Variants in RBM5 observed in about 807,000 individuals in gnomAD.
RBM5 encodes the protein RNA-binding protein 5.
RBM5 carries 15 observed loss-of-function variants against 124.6 expected under a neutral mutation model. That is an observed-to-expected ratio of 0.12 (90% CI 0.08 to 0.19). The LOEUF (loss-of-function observed/expected upper bound fraction) is 0.19, where lower values mean the gene tolerates loss of function less well. Among genes scored for constraint, RBM5 ranks in the 10% least tolerant of loss-of-function variants. RBM5 has a pLI of 1.00. For missense variants in RBM5, 580 were observed against 1,026.5 expected (o/e 0.57, Z 5.94); for synonymous variants, 337 against 361.2 (o/e 0.93, Z 0.76).
At chr3:50,112,879 G>A (rs1168231599) in intron 17 of RBM5, 2 of 152,344 alleles carry the variant, frequency 1.3e-5, no homozygotes, top group African/African-American at 2.4e-5. Flanking sequence ...TTGAGATGGA[G>A]TCTTACTCTG....
chr3:50,116,001 CA>C (rs912464255), intron 22 of RBM5, 21 bp downstream of exon 22: 1 of 1,591,464 alleles, frequency 6.3e-7, no homozygotes, highest in African/African-American at 1.3e-5. Context: ...AACTGTGCCA[CA>C]AGGAAGAGGA....
Position 50,115,919 on chromosome 3 carries a change from T to G in RBM5, c.2033T>G (p.Ile678Ser). 1 of 1,613,400 alleles carries G rather than the reference T, an allele frequency of 6.2e-7. No individual in the cohort carries two copies. The highest frequency in any genetic ancestry group is 8.5e-7 in the Non-Finnish European group (1 of 1,179,346). The change falls in exon 22 of 25, where the codon ATC (isoleucine) becomes AGC (serine). Residue 678 changes from isoleucine (I) to serine (S), a missense_variant. Ile to Ser is a moderately radical substitution (Grantham distance 142). Around this residue, in one of 6 missense-constraint regions of RBM5, gnomAD observed 234 missense variants for 435.1 expected, o/e 0.54. Coordinates refer to ENST00000347869, the MANE Select transcript of RBM5 (RefSeq NM_005778.4). ...TCTTTTGTGTAGCAAAACATGGACA[T>G]CTATCGACGATCCAGGCTGAGCGAG... Reference protein sequence around the residue: ...LSDLHKQNMDIYRRSRLSEQE... With the variant: ...LSDLHKQNMDSYRRSRLSEQE...
In RBM5 at chr3:50,115,941, C is replaced by T. The variant is rs142079101; in HGVS notation, c.2055C>T (p.Ser685=). The T allele has an allele frequency of 1.8e-5, 29 of 1,613,738 alleles. No homozygotes were observed. Among genetic ancestry groups the T allele is most frequent in the Non-Finnish European group, 2.2e-5 (26 of 1,179,830 alleles). The change falls in exon 22 of 25, where the codon AGC becomes AGT. Residue 685 remains serine, a synonymous_variant. Transcript: ENST00000347869. The part of the protein sequence containing the change: ...NMDIYRRSRL[S]EQELEALELR... ...ACATCTATCGACGATCCAGGCTGAG[C>T]GAGCAGGAGCTGGAAGCCTTGGAGC...
At chr3:50,106,740 G>A (rs184307851) in intron 10 of RBM5, 27 bp from the exon 11 acceptor site, 5 of 1,505,646 alleles carry the variant, frequency 3.3e-6, no homozygotes, top group African/African-American at 1.4e-5. Flanking sequence ...TGCATTACAC[G>A]TTTTTTTCCT....
intron 15 of RBM5, 23 bp downstream of exon 15, chr3:50,109,711 A>G (rs768006271): frequency 1.3e-6 from 2 of 1,594,526 alleles, no homozygotes; most frequent in Non-Finnish European, 1.7e-6. Flanking sequence ...TCCTATATAC[A>G]AAACTCGTGG....
chr3:50,093,214 C>T (rs1345063555), intron 3 of RBM5, among the ~76,000 whole-genome samples: 1 of 146,542 alleles, frequency 6.8e-6, no homozygotes, highest in Non-Finnish European at 1.5e-5. Context: ...CCGAGGCGGG[C>T]GGATCATGAG....
In RBM5 at chr3:50,118,780, A is replaced by G. The variant is rs1437282203; in HGVS notation, c.*324A>G. 1 of 265,068 alleles carries G rather than the reference A, an allele frequency of 3.8e-6. No individual in the cohort carries two copies. The highest frequency in any genetic ancestry group is 2.2e-5 in the African/African-American group (1 of 46,000). The allele number at this position is 265,068 out of a possible 1,614,324, so 16.4% of individuals were successfully genotyped here. A position where few individuals can be genotyped will look rare whatever the true frequency, so the allele number is the denominator to read the frequency against. On this transcript the variant is annotated 3_prime_UTR_variant, in exon 25 of 25. Transcript: ENST00000347869. The stretch of plus-strand genomic sequence containing the variant: ...TGGTCCATCAGCCCCTCACATTCCT[A>G]GGGGTTTGAGATGCTGTAGGTGGTA...
chr3:50,089,758 G>C (rs1350517981), intron 1 of RBM5: 1 of 152,756 alleles, frequency 6.5e-6, no homozygotes, highest in African/African-American at 2.4e-5. Context: ...TTACCAACGG[G>C]GGGCGGGGGG....
Position 50,115,380 on chromosome 3 carries a change from A to G in RBM5, c.1840-48A>G, listed in dbSNP as rs2091229525. 2.5e-6 allele frequency: 4 copies of G among 1,589,858 alleles called. No individual in the cohort carries two copies. In the African/African-American group the frequency reaches 4.1e-5, roughly 16 times the overall value. ...TTTATCCAGGTACATAGCCACCGCC[A>G]TCTTCCTATTGTACATTTCCAGTGA... On this transcript the variant is annotated intron_variant, in intron 20 of 24. Transcript: ENST00000347869.
intron 1 of RBM5, 130 bp from the exon 2 acceptor site, chr3:50,090,252 C>T: frequency 1.7e-6 from 1 of 602,638 alleles, no homozygotes; most frequent in African/African-American, 1.9e-5. Context: ...ACCACTTCCC[C>T]ACCTTAGATA....
At chr3:50,107,667 CTTTTCTTTTTTTTTT>C in intron 12 of RBM5, 98 bp downstream of exon 12, 1 of 135,134 alleles carries the variant, frequency 7.4e-6, no homozygotes, top group Admixed American at 1.5e-4. Context: ...GAGCTCTTTT[CTTTTCTTTTTTTTTT>C]TTTTTTTTTT....
chr3:50,106,940 C>A, intron 11 of RBM5, 76 bp downstream of exon 11: 1 of 1,231,344 alleles, frequency 8.1e-7, no homozygotes, highest in Non-Finnish European at 1.2e-6. Flanking sequence ...AACGCCAAGC[C>A]TGTGCCCCAA....
At chr3:50,107,667 CTTTTCTTT>C in intron 12 of RBM5, 98 bp downstream of exon 12, 10 of 135,126 alleles carry the variant, frequency 7.4e-5, no homozygotes, top group Admixed American at 1.5e-4. Context: ...GAGCTCTTTT[CTTTTCTTT>C]TTTTTTTTTT....
At chr3:50,098,700 C>G (rs1022152283) in intron 4 of RBM5, among the ~76,000 whole-genome samples, 2 of 152,024 alleles carry the variant, frequency 1.3e-5, no homozygotes, top group Admixed American at 6.6e-5. Context: ...CCTTGGCCCC[C>G]CAAAGTGCTG....
chr3:50,103,306 C>T, intron 7 of RBM5, 140 bp downstream of exon 7: 1 of 694,678 alleles, frequency 1.4e-6, no homozygotes, highest in Non-Finnish European at 2.5e-6. Context: ...TTCCTTGGGT[C>T]CTCCTACACT....
chr3:50,109,824 T>A (rs935923798), intron 15 of RBM5, 136 bp downstream of exon 15: 6 of 618,472 alleles, frequency 9.7e-6, no homozygotes, highest in Admixed American at 3.2e-5. Flanking sequence ...TCTGTTGTTT[T>A]AAAATATTAA....
intron 9 of RBM5, 78 bp from the exon 10 acceptor site, chr3:50,105,471 C>G: frequency 1.4e-6 from 2 of 1,431,794 alleles, no homozygotes; most frequent in Non-Finnish European, 1.9e-6. Context: ...TTTGTATGTA[C>G]TTGACCCTAT....
At chr3:50,094,961 G>T (rs2090782161) in intron 4 of RBM5, among the ~76,000 whole-genome samples, 1 of 152,166 alleles carries the variant, frequency 6.6e-6, no homozygotes, top group African/African-American at 2.4e-5. Flanking sequence ...ACTTTGGGAG[G>T]TCGAGGCGGG....
chr3:50,116,251 G>T (rs2091250732), intron 22 of RBM5: 1 of 423,132 alleles, frequency 2.4e-6, no homozygotes, highest in African/African-American at 2.0e-5. Flanking sequence ...AAATACGCTG[G>T]ATTTTGTTAT....
Sources: allele counts gnomAD v4.1 joint callset (sites outside exome capture counted in the v4.1 genomes callset), GRCh38; gene constraint gnomAD v4.1.1; regional missense constraint gnomAD v4.1.1; transcripts MANE v1.5; gene names NCBI Gene and HGNC (gene_info 2026-07-23, HGNC 2026-07-21).